The following LRMDA variants were observed in gnomAD, a reference collection of about 807,000 sequenced individuals.
The protein encoded by LRMDA is leucine-rich melanocyte differentiation-associated protein.
LRMDA carries 18 observed loss-of-function variants against 29.8 expected under a neutral mutation model. The ratio of observed to expected loss-of-function variants is 0.60; its 90% CI spans 0.42 to 0.90. The LOEUF is 0.90. Ranked by LOEUF, LRMDA falls within the 40% of genes least tolerant of loss-of-function variation. The probability of loss-of-function intolerance (pLI) is 0.00; values close to 1 mark genes in which losing one functional copy is unlikely to be tolerated. For missense variants in LRMDA, 273 were observed against 273.9 expected (o/e 1.00, Z 0.02); for synonymous variants, 125 against 109.4 (o/e 1.14, Z -0.89).
chr10:75,555,685 A>AAG (rs1286382514), intron 2 of LRMDA, among the ~76,000 whole-genome samples: 1 of 152,200 alleles, frequency 6.6e-6, no homozygotes, highest in East Asian at 1.9e-4. Flanking sequence ...CATATCATTC[A>AAG]AGAGATCCAG....
intron 2 of LRMDA, among the ~76,000 whole-genome samples, chr10:75,708,421 C>A (rs528531382): frequency 2.2e-4 from 33 of 152,290 alleles, no homozygotes; most frequent in African/African-American, 7.7e-4. Flanking sequence ...TTTCAACACA[C>A]TCCACCATTT....
intron 2 of LRMDA, among the ~76,000 whole-genome samples, chr10:75,489,947 A>G (rs1397939926): frequency 6.6e-6 from 1 of 152,158 alleles, no homozygotes; most frequent in Non-Finnish European, 1.5e-5. Flanking sequence ...ATGTGTTCTC[A>G]TTTAACTCTT....
intron 6 of LRMDA, among the ~76,000 whole-genome samples, chr10:76,419,379 A>G (rs534107887): frequency 5.6e-4 from 85 of 152,172 alleles, no homozygotes; most frequent in African/African-American, 2.0e-3. Context: ...AGTTGGTAAT[A>G]TGCATTTAAG....
At chr10:75,655,838 T>A (rs565999347) in intron 2 of LRMDA, among the ~76,000 whole-genome samples, 1 of 152,134 alleles carries the variant, frequency 6.6e-6, no homozygotes, top group Non-Finnish European at 1.5e-5. Flanking sequence ...TGGGTCTGGA[T>A]AAGGATGTTT....
chr10:75,881,498 C>A (rs1432315807), intron 2 of LRMDA, among the ~76,000 whole-genome samples: 1 of 152,174 alleles, frequency 6.6e-6, no homozygotes, highest in African/African-American at 2.4e-5. Flanking sequence ...CCCCCACTAC[C>A]CCTACTTTTC....
At chr10:76,510,453 T>C (rs751892304) in intron 6 of LRMDA, among the ~76,000 whole-genome samples, 7 of 152,176 alleles carry the variant, frequency 4.6e-5, no homozygotes, top group Non-Finnish European at 1.0e-4. Flanking sequence ...CTTTTTCCTA[T>C]CAAAAAGCAG....
chr10:76,324,750 A>C (rs1840814346), intron 6 of LRMDA, among the ~76,000 whole-genome samples: 1 of 152,196 alleles, frequency 6.6e-6, no homozygotes, highest in Non-Finnish European at 1.5e-5. Flanking sequence ...AGATTAGAGT[A>C]CTTAAAAATT....
chr10:76,502,603 T>C (rs1842921279), intron 6 of LRMDA, among the ~76,000 whole-genome samples: 1 of 152,008 alleles, frequency 6.6e-6, no homozygotes, highest in Non-Finnish European at 1.5e-5. Flanking sequence ...CTAAGTATTT[T>C]AATTTCTTTG....
At chr10:75,972,245 G>C (rs1018083383) in intron 2 of LRMDA, among the ~76,000 whole-genome samples, 12 of 152,050 alleles carry the variant, frequency 7.9e-5, no homozygotes, top group African/African-American at 2.7e-4. Context: ...AGGAAAGAAG[G>C]AGACTTTGGA....
At chr10:76,042,906 C>T (rs117957547) in intron 3 of LRMDA, among the ~76,000 whole-genome samples, 51 of 152,248 alleles carry the variant, frequency 3.3e-4, no homozygotes, top group Admixed American at 1.0e-3. Flanking sequence ...GAAACTCTTA[C>T]ACATTTCTTT....
chr10:75,998,859 C>T (rs1847515957), intron 2 of LRMDA, among the ~76,000 whole-genome samples: 1 of 152,168 alleles, frequency 6.6e-6, no homozygotes, highest in Non-Finnish European at 1.5e-5. Context: ...GCAGAGCAGG[C>T]ATGGGGACGT....
At chr10:76,255,436 A>C (rs1160058432) in intron 5 of LRMDA, among the ~76,000 whole-genome samples, 1 of 152,202 alleles carries the variant, frequency 6.6e-6, no homozygotes, top group Admixed American at 6.5e-5. Flanking sequence ...ACTTCATAAT[A>C]AGGATTTTAG....
chr10:75,912,697 T>A (rs1013728373), intron 2 of LRMDA, among the ~76,000 whole-genome samples: 1 of 152,184 alleles, frequency 6.6e-6, no homozygotes, highest in Non-Finnish European at 1.5e-5. Context: ...AATGTGAGGC[T>A]GAGACATGTA....
intron 6 of LRMDA, among the ~76,000 whole-genome samples, chr10:76,371,173 G>GT: frequency 6.6e-6 from 1 of 152,128 alleles, no homozygotes; most frequent in Admixed American, 6.5e-5. Context: ...TTGATCCTTA[G>GT]TTTTTTCCTT....
At chr10:75,820,449 T>G in intron 2 of LRMDA, among the ~76,000 whole-genome samples, 1 of 152,186 alleles carries the variant, frequency 6.6e-6, no homozygotes, top group East Asian at 1.9e-4. Context: ...CCCAATTTTC[T>G]GAAACACATG....
chr10:76,272,198 G>A (rs1840076307), intron 5 of LRMDA, among the ~76,000 whole-genome samples: 1 of 152,158 alleles, frequency 6.6e-6, no homozygotes, highest in Non-Finnish European at 1.5e-5. Flanking sequence ...ATTCACCTTG[G>A]ATTTTTGGCC....
chr10:76,115,725 C>T (rs989815468), intron 5 of LRMDA, among the ~76,000 whole-genome samples: 3 of 152,082 alleles, frequency 2.0e-5, no homozygotes, highest in African/African-American at 4.8e-5. Flanking sequence ...TTCACAGCTC[C>T]GGCTGTTATA....
At chr10:76,355,126 TG>T (rs1459537225) in intron 6 of LRMDA, among the ~76,000 whole-genome samples, 1 of 152,150 alleles carries the variant, frequency 6.6e-6, no homozygotes, top group Admixed American at 6.6e-5. Context: ...ACATGACCTT[TG>T]CCCTTGAAAA....
intron 2 of LRMDA, among the ~76,000 whole-genome samples, chr10:75,461,860 G>A (rs546369552): frequency 6.6e-6 from 1 of 152,222 alleles, no homozygotes; most frequent in East Asian, 1.9e-4. Context: ...TTTGTCGAAG[G>A]GGGCATTGGC....
Sources: allele counts gnomAD v4.1 joint callset (sites outside exome capture counted in the v4.1 genomes callset), GRCh38; gene constraint gnomAD v4.1.1; transcripts MANE v1.5; gene names NCBI Gene and HGNC (gene_info 2026-07-23, HGNC 2026-07-21).